SYT9: variants seen among roughly 807,000 people sequenced by gnomAD.
SYT9 encodes the protein synaptotagmin-9.
A neutral mutation model predicts 48.4 loss-of-function variants in SYT9; 22 were observed. The observed-to-expected ratio is 0.45, with a 90% CI of 0.32 to 0.65. The LOEUF is 0.65. Ranked by LOEUF, SYT9 falls within the 30% of genes least tolerant of loss-of-function variation. The pLI is 0.03. For synonymous variants in SYT9, 265 were observed against 245.0 expected, an observed-to-expected ratio of 1.08 and a Z score of -0.76; for missense variants, 577 against 622.0, an observed-to-expected ratio of 0.93 and a Z score of 0.77.
At chr11:7,390,210 C>T (rs1850736999) in intron 3 of SYT9, among the ~76,000 whole-genome samples, 1 of 152,170 alleles carries the variant, frequency 6.6e-6, no homozygotes, top group Admixed American at 6.5e-5. Context: ...GTTCAACTCC[C>T]ACTTATGAGT....
chr11:7,419,823 G>A (rs1165223492), intron 5 of SYT9, among the ~76,000 whole-genome samples: 2 of 152,272 alleles, frequency 1.3e-5, no homozygotes, highest in South Asian at 2.1e-4. Context: ...TTGAACCCGG[G>A]AGCTGGAGGT....
upstream of SYT9, among the ~76,000 whole-genome samples, chr11:7,249,400 C>G (rs1189323700): frequency 6.6e-6 from 1 of 152,160 alleles, no homozygotes; most frequent in Non-Finnish European, 1.5e-5. Flanking sequence ...GACTTGACTT[C>G]TTGATGGGAA....
At chr11:7,373,718 A>T (rs74053607) in intron 3 of SYT9, among the ~76,000 whole-genome samples, 5,748 of 152,188 alleles carry the variant, frequency 0.038, 391 homozygotes, top group African/African-American at 0.13. Flanking sequence ...GCAGTTTCAC[A>T]TAACTCAGAA....
intron 1 of SYT9, among the ~76,000 whole-genome samples, chr11:7,246,253 C>T (rs1373003870): frequency 6.6e-6 from 1 of 152,170 alleles, no homozygotes; most frequent in Non-Finnish European, 1.5e-5. Context: ...TAGTCCCTTA[C>T]CCCCATGTGC....
intron 4 of SYT9, among the ~76,000 whole-genome samples, chr11:7,416,789 A>G (rs529070704): frequency 1.8e-4 from 28 of 152,182 alleles, no homozygotes; most frequent in Non-Finnish European, 2.9e-4. Context: ...ACAAGGGACA[A>G]TAGTACTCTC....
In SYT9 at chr11:7,467,097, G is replaced by C; in HGVS notation, c.*297G>C. The stretch of plus-strand genomic sequence containing the variant: ...GATAGATATAGTGACAGTACCAAGA[G>C]TACCAGGACTCAATGTTTCATATGA... On this transcript the variant is annotated 3_prime_UTR_variant, in exon 7 of 7. Coordinates refer to ENST00000318881, the MANE Select transcript of SYT9 (RefSeq NM_175733.4). 1 of 399,076 alleles carries C rather than the reference G, an allele frequency of 2.5e-6. No homozygotes were observed. Among genetic ancestry groups the C allele is most frequent in the South Asian group, 6.4e-5 (1 of 15,506 alleles). The allele number at this position is 399,076 out of a possible 1,614,324, so 24.7% of individuals were successfully genotyped here.
intron 3 of SYT9, among the ~76,000 whole-genome samples, chr11:7,391,774 G>C (rs1394565998): frequency 1.0e-5 from 1 of 95,440 alleles, no homozygotes; most frequent in East Asian, 5.6e-4. Flanking sequence ...AACCTAGCTA[G>C]GCGTGGTGGC....
intron 3 of SYT9, among the ~76,000 whole-genome samples, chr11:7,354,007 C>A (rs1247418977): frequency 6.6e-6 from 1 of 151,924 alleles, no homozygotes; most frequent in Non-Finnish European, 1.5e-5. Context: ...TCTGAAGTAA[C>A]AATATGAACC....
chr11:7,299,907 G>A (rs1249388038), intron 1 of SYT9, among the ~76,000 whole-genome samples: 6 of 152,130 alleles, frequency 3.9e-5, no homozygotes, highest in Non-Finnish European at 7.4e-5. Context: ...TGCTATCTAT[G>A]CCAAGTGAAT....
intron 3 of SYT9, among the ~76,000 whole-genome samples, chr11:7,354,215 T>C (rs980999110): frequency 2.6e-5 from 4 of 152,216 alleles, no homozygotes; most frequent in Non-Finnish European, 5.9e-5. Context: ...TGGACACAAC[T>C]GATCTAAGCT....
chr11:7,408,674 T>C (rs1275792324), intron 3 of SYT9, among the ~76,000 whole-genome samples: 1 of 152,238 alleles, frequency 6.6e-6, no homozygotes, highest in Non-Finnish European at 1.5e-5. Context: ...TTTTTGTATG[T>C]TGATTTGCAT....
intron 1 of SYT9, among the ~76,000 whole-genome samples, chr11:7,266,701 A>G (rs1435183371): frequency 6.6e-6 from 1 of 152,136 alleles, no homozygotes; most frequent in Non-Finnish European, 1.5e-5. Flanking sequence ...TAAATTGGGC[A>G]GAGTAACAAA....
chr11:7,341,361 A>G (rs1258466090), intron 3 of SYT9, among the ~76,000 whole-genome samples: 2 of 152,126 alleles, frequency 1.3e-5, no homozygotes, highest in Non-Finnish European at 2.9e-5. Context: ...CACAATCCCC[A>G]TGTGTTGTGG....
At chr11:7,425,638 G>A (rs1847440036) in intron 6 of SYT9, among the ~76,000 whole-genome samples, 1 of 152,224 alleles carries the variant, frequency 6.6e-6, no homozygotes, top group African/African-American at 2.4e-5. Context: ...AAGACTGCAG[G>A]TCTTTGGAAA....
At chr11:7,315,676 G>C (rs1006908573) in intron 3 of SYT9, among the ~76,000 whole-genome samples, 2 of 152,204 alleles carry the variant, frequency 1.3e-5, no homozygotes, top group Non-Finnish European at 2.9e-5. Flanking sequence ...TCTGGATAAG[G>C]CTGATGATCC....
chr11:7,265,822 C>T (rs969834799), intron 1 of SYT9, among the ~76,000 whole-genome samples: 3 of 152,000 alleles, frequency 2.0e-5, no homozygotes, highest in Non-Finnish European at 4.4e-5. Context: ...TCTTCTTTAT[C>T]GCTAGGCAAG....
intron 3 of SYT9, among the ~76,000 whole-genome samples, chr11:7,415,527 C>A (rs536227197): frequency 6.6e-6 from 1 of 152,054 alleles, no homozygotes; most frequent in South Asian, 2.1e-4. Flanking sequence ...GTGTGGAAAC[C>A]TGTTGAGAGG....
chr11:7,338,601 A>G (rs112303106), intron 3 of SYT9, among the ~76,000 whole-genome samples: 4,296 of 152,146 alleles, frequency 0.028, 191 homozygotes, highest in African/African-American at 0.096. Flanking sequence ...TAATTTCATT[A>G]TTTACCCCAA....
chr11:7,443,519 C>A (rs972124114), intron 6 of SYT9, among the ~76,000 whole-genome samples: 1 of 152,174 alleles, frequency 6.6e-6, no homozygotes, highest in Non-Finnish European at 1.5e-5. Flanking sequence ...AAAGAGGCTG[C>A]GCAGCAGACA....
Sources: allele counts gnomAD v4.1 joint callset (sites outside exome capture counted in the v4.1 genomes callset), GRCh38; gene constraint gnomAD v4.1.1; transcripts MANE v1.5; gene names NCBI Gene and HGNC (gene_info 2026-07-23, HGNC 2026-07-21).